BLTP1: variants seen among roughly 807,000 people sequenced by gnomAD.
The protein encoded by BLTP1 is fragile site-associated protein.
chr4:122,316,358 G>A, the BLTP1 span: 2 of 472,100 alleles, frequency 4.2e-6, no homozygotes, highest in South Asian at 3.1e-5. Context: ...AGTTCAGATG[G>A]AAGTTCAATA....
At chr4:122,248,788 A>C in the BLTP1 span, among the ~76,000 whole-genome samples, 233 of 152,176 alleles carry the variant, frequency 1.5e-3, no homozygotes, top group Non-Finnish European at 2.6e-3. Context: ...TTGCATGAAA[A>C]TGGGAGCCAA....
At chr4:122,159,297 A>G in the BLTP1 span, among the ~76,000 whole-genome samples, 5 of 151,946 alleles carry the variant, frequency 3.3e-5, no homozygotes, top group African/African-American at 7.3e-5. Context: ...CCCCGTCTCT[A>G]TTAAAAATAC....
chr4:122,190,648 A>G, the BLTP1 span: 1 of 308,296 alleles, frequency 3.2e-6, no homozygotes, highest in Admixed American at 6.5e-5. Context: ...TGAGAATGCA[A>G]ATGATCATGA....
the BLTP1 span, chr4:122,245,148 CT>C: frequency 2.2e-5 from 36 of 1,603,428 alleles, no homozygotes; most frequent in Non-Finnish European, 3.0e-5. Flanking sequence ...AATGTAAGAA[CT>C]TTTTAATTCA....
chr4:122,170,807 T>G, the BLTP1 span: 1 of 1,132,056 alleles, frequency 8.8e-7, no homozygotes, highest in South Asian at 1.5e-5. Context: ...GCTGCCAGAT[T>G]TTAAACAGTG....
At chr4:122,203,654 A>C in the BLTP1 span, 1 of 164,054 alleles carries the variant, frequency 6.1e-6, no homozygotes, top group Non-Finnish European at 1.3e-5. Context: ...ATGCATATTA[A>C]AAAATTGTTG....
At chr4:122,282,441 A>G in the BLTP1 span, among the ~76,000 whole-genome samples, 1 of 152,134 alleles carries the variant, frequency 6.6e-6, no homozygotes, top group Non-Finnish European at 1.5e-5. Context: ...CAGGACTTCA[A>G]GACCAGTCTG....
chr4:122,167,632 C>T, the BLTP1 span: 4 of 984,614 alleles, frequency 4.1e-6, no homozygotes, highest in African/African-American at 7.0e-5. Flanking sequence ...TAACTTCTCC[C>T]CTACAAGTGT....
At chr4:122,304,774 T>A in the BLTP1 span, 1 of 1,606,190 alleles carries the variant, frequency 6.2e-7, no homozygotes, top group Non-Finnish European at 8.5e-7. Flanking sequence ...TTCATTTTTT[T>A]CCTCCTAACA....
chr4:122,168,598 T>G, the BLTP1 span, among the ~76,000 whole-genome samples: 11 of 152,060 alleles, frequency 7.2e-5, no homozygotes. Flanking sequence ...AAAAAAAACT[T>G]AAGAGGGAAG....
the BLTP1 span, chr4:122,224,356 G>T: frequency 1.1e-6 from 1 of 886,788 alleles, no homozygotes. Flanking sequence ...GTACAAGGTT[G>T]TGTTAGGAGC....
chr4:122,302,484 A>G, the BLTP1 span, among the ~76,000 whole-genome samples: 1 of 152,192 alleles, frequency 6.6e-6, no homozygotes, highest in Admixed American at 6.5e-5. Context: ...TGTGATCAGA[A>G]ATCTTTGATG....
the BLTP1 span, chr4:122,362,136 A>G: frequency 1.9e-6 from 3 of 1,613,682 alleles, no homozygotes; most frequent in Non-Finnish European, 2.5e-6. Flanking sequence ...AATGGCTTCA[A>G]AGAGGAGTCA....
chr4:122,346,711 A>T, the BLTP1 span: 1 of 1,613,290 alleles, frequency 6.2e-7, no homozygotes, highest in South Asian at 1.1e-5. Flanking sequence ...GGTATAGAAG[A>T]AGTATTGCAA....
chr4:122,305,619 A>G, the BLTP1 span: 2 of 969,374 alleles, frequency 2.1e-6, no homozygotes, highest in South Asian at 4.8e-5. Context: ...TATTTAATAC[A>G]TTGCCATTTA....
chr4:122,173,726 C>T, the BLTP1 span, among the ~76,000 whole-genome samples: 5 of 152,148 alleles, frequency 3.3e-5, no homozygotes, highest in East Asian at 3.9e-4. Flanking sequence ...TGATAATATC[C>T]GCTTGGTTAT....
At chr4:122,219,317 T>A in the BLTP1 span, 1 of 1,605,628 alleles carries the variant, frequency 6.2e-7, no homozygotes, top group Non-Finnish European at 8.5e-7. Context: ...TGACAGCAAT[T>A]TGTGTTTTCT....
chr4:122,336,597 G>A, the BLTP1 span: 1 of 837,364 alleles, frequency 1.2e-6, no homozygotes, highest in Non-Finnish European at 1.4e-6. Flanking sequence ...ATTAACATAA[G>A]TTCTACATCC....
At chr4:122,334,461 TCTC>T in the BLTP1 span, 8 of 1,612,736 alleles carry the variant, frequency 5.0e-6, no homozygotes, top group Admixed American at 6.7e-5. Context: ...TAGTGCAACA[TCTC>T]CTCCTTCTCC....
Sources: gnomAD v4.1 joint callset for allele counts (sites outside exome capture counted in the v4.1 genomes callset) on GRCh38, gnomAD v4.1.1 for gene constraint, MANE v1.5 for transcripts, NCBI Gene and HGNC (gene_info 2026-07-23, HGNC 2026-07-21) for gene names.